Variants in ATP8A1 observed in about 807,000 individuals in gnomAD.
The protein encoded by ATP8A1 is phospholipid-transporting ATPase IA.
ATP8A1 carries 90 observed loss-of-function variants against 177.7 expected under a neutral mutation model. The observed-to-expected ratio is 0.51, with a 90% confidence interval of 0.43 to 0.60. The LOEUF is 0.60. ATP8A1 is among the 20% of genes least tolerant of loss of function. ATP8A1 has a pLI of 0.00. For missense variants in ATP8A1, 1,072 were observed against 1,392.8 expected, an observed-to-expected ratio of 0.77 and a Z score of 3.67; for synonymous variants, 493 against 485.9, an observed-to-expected ratio of 1.01 and a Z score of -0.19.
intron 25 of ATP8A1, among the ~76,000 whole-genome samples, chr4:42,474,121 T>C (rs1560365650): frequency 6.6e-6 from 1 of 152,150 alleles, no homozygotes; most frequent in Non-Finnish European, 1.5e-5. Context: ...AAAATACAAC[T>C]CTGAAGATGT....
intron 22 of ATP8A1, among the ~76,000 whole-genome samples, chr4:42,507,483 T>C (rs1724492389): frequency 6.6e-6 from 1 of 151,396 alleles, no homozygotes; most frequent in African/African-American, 2.4e-5. Context: ...ATCCCAGCAC[T>C]TTGGGAGGCC....
intron 20 of ATP8A1, among the ~76,000 whole-genome samples, chr4:42,538,605 C>T (rs1339937140): frequency 6.6e-6 from 1 of 152,086 alleles, no homozygotes; most frequent in Non-Finnish European, 1.5e-5. Context: ...AGGACATGAA[C>T]AGACAATCCT....
chr4:42,536,428 CA>C (rs1404180878), intron 20 of ATP8A1, among the ~76,000 whole-genome samples: 2 of 152,062 alleles, frequency 1.3e-5, no homozygotes, highest in Non-Finnish European at 2.9e-5. Context: ...AATCTCTGAA[CA>C]GATCAGCAGC....
At chr4:42,638,317 G>GA (rs1162908750) in intron 1 of ATP8A1, among the ~76,000 whole-genome samples, 1 of 152,130 alleles carries the variant, frequency 6.6e-6, no homozygotes, top group Non-Finnish European at 1.5e-5. Context: ...TCTAAAAAAG[G>GA]AAAAAAAGTA....
intron 33 of ATP8A1, among the ~76,000 whole-genome samples, chr4:42,426,939 C>T (rs756988444): frequency 2.6e-5 from 4 of 151,988 alleles, no homozygotes; most frequent in Admixed American, 2.0e-4. Context: ...TTGACTACAC[C>T]GGCATAATAT....
intron 7 of ATP8A1, among the ~76,000 whole-genome samples, chr4:42,590,296 T>C (rs190972434): frequency 1.3e-5 from 2 of 152,308 alleles, no homozygotes; most frequent in African/African-American, 4.8e-5. Context: ...CATCCAGCTT[T>C]GTGCAGGGGG....
intron 27 of ATP8A1, among the ~76,000 whole-genome samples, chr4:42,462,869 A>G (rs1341520060): frequency 6.6e-6 from 1 of 152,190 alleles, no homozygotes; most frequent in Non-Finnish European, 1.5e-5. Context: ...CCTGGATGTG[A>G]GACGTGGAGT....
At chr4:42,592,961 C>T (rs530083524) in intron 6 of ATP8A1, among the ~76,000 whole-genome samples, 51 of 152,132 alleles carry the variant, frequency 3.4e-4, no homozygotes, top group Non-Finnish European at 5.3e-4. Context: ...ACATTCATCA[C>T]ATTTTTACTT....
intron 25 of ATP8A1, among the ~76,000 whole-genome samples, chr4:42,468,609 T>C (rs759438885): frequency 2.6e-5 from 4 of 152,112 alleles, no homozygotes; most frequent in Admixed American, 6.5e-5. Context: ...CTTACTCATA[T>C]GTGGGAGTTA....
chr4:42,596,281 T>A (rs1367624770), intron 6 of ATP8A1, among the ~76,000 whole-genome samples: 3 of 152,206 alleles, frequency 2.0e-5, no homozygotes, highest in Non-Finnish European at 4.4e-5. Flanking sequence ...GGGCTTTCAG[T>A]CCACTACCTA....
intron 1 of ATP8A1, among the ~76,000 whole-genome samples, chr4:42,631,952 A>G (rs1443263848): frequency 6.6e-6 from 1 of 152,214 alleles, no homozygotes; most frequent in Admixed American, 6.5e-5. Context: ...CACCAGATAT[A>G]TGCGCCTTCC....
At chr4:42,521,698 A>G (rs1352289144) in intron 22 of ATP8A1, among the ~76,000 whole-genome samples, 5 of 152,238 alleles carry the variant, frequency 3.3e-5, no homozygotes, top group African/African-American at 9.6e-5. Context: ...GTTTGTCACA[A>G]TGACTGGACA....
At chr4:42,607,838 G>A (rs906292642) in intron 5 of ATP8A1, among the ~76,000 whole-genome samples, 2 of 145,408 alleles carry the variant, frequency 1.4e-5, no homozygotes, top group African/African-American at 2.5e-5. Context: ...TATGGAAAGC[G>A]TTAAGAGCCT....
chr4:42,653,623 TTAC>T (rs1403760686), intron 1 of ATP8A1, among the ~76,000 whole-genome samples: 5 of 152,202 alleles, frequency 3.3e-5, no homozygotes, highest in Non-Finnish European at 7.3e-5. Flanking sequence ...CTTAACTAAG[TTAC>T]TACTTTTAGG....
At chr4:42,456,573 T>G (rs924626645) in intron 27 of ATP8A1, among the ~76,000 whole-genome samples, 1 of 152,072 alleles carries the variant, frequency 6.6e-6, no homozygotes, top group African/African-American at 2.4e-5. Context: ...GTTTAAAACA[T>G]AAGAAAAATT....
chr4:42,614,133 C>G (rs1736667194), intron 5 of ATP8A1, among the ~76,000 whole-genome samples: 2 of 152,094 alleles, frequency 1.3e-5, no homozygotes, highest in African/African-American at 4.8e-5. Flanking sequence ...GATGGATAGT[C>G]AAGAAATAAA....
chr4:42,531,509 A>G (rs939642484), intron 20 of ATP8A1, among the ~76,000 whole-genome samples: 2 of 152,256 alleles, frequency 1.3e-5, no homozygotes, highest in Non-Finnish European at 2.9e-5. Context: ...AACTGGAACA[A>G]GATGAGGAAG....
Position 42,624,646 on chromosome 4 carries a change from A to G in ATP8A1, c.265-12T>C. 2.3e-6 allele frequency: 3 copies of G among 1,290,528 alleles called. No individual in the cohort carries two copies. Among genetic ancestry groups the G allele is most frequent in the South Asian group, 4.0e-5 (2 of 50,196 alleles). The allele number at this position is 1,290,528 out of a possible 1,614,324, so 79.9% of individuals were successfully genotyped here. Reference sequence around the variant, plus strand: ...ACATCAGGTATTTGCTGTTTGGAAAAAAAAAAAAAAGAGAAATCCAATGAG... The same window carrying G: ...ACATCAGGTATTTGCTGTTTGGAAAGAAAAAAAAAAGAGAAATCCAATGAG... On this transcript the variant is annotated splice_polypyrimidine_tract_variant and intron_variant, in intron 3 of 36. Coordinates refer to ENST00000381668, the MANE Select transcript of ATP8A1 (RefSeq NM_006095.2).
Position 42,578,417 on chromosome 4 carries a change from T to G in ATP8A1, c.1001-30A>C, listed in dbSNP as rs200997614. ...TGGGAGAGGCAGGAAGAACGTCATTTACAGTTTTATATTTTATTTGCATTG... is the reference window on the plus strand; with the variant it reads ...TGGGAGAGGCAGGAAGAACGTCATTGACAGTTTTATATTTTATTTGCATTG... On this transcript the variant is annotated intron_variant, in intron 11 of 36. Coordinates refer to ENST00000381668, the MANE Select transcript of ATP8A1 (RefSeq NM_006095.2). 2.0e-3 allele frequency: 3,147 copies of G among 1,603,194 alleles called. 10 individuals are homozygous for G. Among genetic ancestry groups the G allele is most frequent in the Non-Finnish European group, 2.4e-3 (2,873 of 1,175,930 alleles).
Sources: allele counts gnomAD v4.1 joint callset (sites outside exome capture counted in the v4.1 genomes callset), GRCh38; gene constraint gnomAD v4.1.1; transcripts MANE v1.5; gene names NCBI Gene and HGNC (gene_info 2026-07-23, HGNC 2026-07-21).